AGAP3: variants seen among roughly 807,000 people sequenced by gnomAD.
AGAP3 encodes arf-GAP with GTPase, ANK repeat and PH domain-containing protein 3.
In AGAP3, 24 loss-of-function variants were observed where a neutral mutation model predicts 96.9. The ratio of observed to expected loss-of-function variants is 0.25; its 90% CI spans 0.18 to 0.35. AGAP3 has a LOEUF of 0.35. AGAP3 is among the 10% of genes least tolerant of loss of function. The pLI, the probability that AGAP3 is intolerant of heterozygous loss-of-function variation, is 1.00. For synonymous variants in AGAP3, 563 were observed against 536.1 expected (o/e 1.05, Z -0.69); for missense variants, 876 against 1,254.2 (o/e 0.70, Z 4.55).
intron 1 of AGAP3, chr7:151,115,667 C>T (rs1247475323): frequency 2.6e-6 from 3 of 1,146,524 alleles, no homozygotes; most frequent in Non-Finnish European, 3.2e-6. Flanking sequence ...TGGGGGGCGT[C>T]TGGCAGAAAA....
At position 151,141,845 on chromosome 7, in the gene AGAP3, C is replaced by G. The variant is rs1187774794; in HGVS notation, c.1805-53C>G. On this transcript the variant is annotated intron_variant, in intron 13 of 17. Transcript: ENST00000397238. This position sits in a 1 kb window ranked among gnomAD's most constrained non-coding sequence, Gnocchi z 4.2. ...AGTGGAGTTGTGGCGATAGCATGCC[C>G]TGGGTGTGCACGCAGGCCAGGAGCC... 1 of 1,612,660 alleles carries G rather than the reference C, an allele frequency of 6.2e-7. No homozygotes were observed. Among genetic ancestry groups the G allele is most frequent in the Non-Finnish European group, 8.5e-7 (1 of 1,178,822 alleles).
intron 1 of AGAP3, chr7:151,090,064 C>T (rs1044256918): frequency 6.6e-6 from 1 of 152,264 alleles, no homozygotes; most frequent in African/African-American, 2.4e-5. Context: ...CAAATGGGGA[C>T]ACTGGGCACG....
intron 8 of AGAP3, 56 bp downstream of exon 8, chr7:151,120,201 A>G: frequency 6.6e-7 from 1 of 1,525,222 alleles, no homozygotes. Flanking sequence ...GGCAGGGCTG[A>G]GCGCCGAGCT....
chr7:151,114,658 C>A lies in AGAP3; in HGVS notation c.332-2135C>A. 1 of 954,046 alleles carries A rather than the reference C, an allele frequency of 1.0e-6. No homozygotes were observed. The highest frequency in any genetic ancestry group is 1.3e-6 in the Non-Finnish European group (1 of 799,832). The allele number at this position is 954,046 out of a possible 1,614,324, so 59.1% of individuals were successfully genotyped here. A position where few individuals can be genotyped will look rare whatever the true frequency, so the allele number is the denominator to read the frequency against. ...TGGAGGAGTTGAGGGACTCGGTCGG[C>A]CCACACCAGGTGCCCAGAGGCCGGA... On this transcript the variant is annotated intron_variant, in intron 1 of 17. Coordinates refer to ENST00000397238, the MANE Select transcript of AGAP3 (RefSeq NM_031946.7). This position sits in a 1 kb window ranked among gnomAD's most constrained non-coding sequence, Gnocchi z 4.4.
chr7:151,122,717 A>G (rs2150491559), intron 8 of AGAP3: 1 of 1,613,654 alleles, frequency 6.2e-7, no homozygotes, highest in East Asian at 2.2e-5. Flanking sequence ...TTCTTTCGAT[A>G]TTTGCAGATA....
intron 1 of AGAP3, among the ~76,000 whole-genome samples, chr7:151,111,466 A>G (rs939054688): frequency 1.3e-5 from 2 of 152,106 alleles, no homozygotes; most frequent in African/African-American, 2.4e-5. Context: ...CAAGCAACAC[A>G]CACCTGGAGG....
chr7:151,117,255 GGGGGTCTCC>G, intron 3 of AGAP3, 73 bp downstream of exon 3: 1 of 1,587,850 alleles, frequency 6.3e-7, no homozygotes, highest in Non-Finnish European at 8.6e-7. Context: ...GGTCTGGGTG[GGGGGTCTCC>G]AGCCCCCTTC....
Position 151,143,243 on chromosome 7 carries a change from C to G in AGAP3, c.2274-98C>G. 1 of 1,416,450 alleles carries G rather than the reference C, an allele frequency of 7.1e-7. No individual in the cohort carries two copies. The highest frequency in any genetic ancestry group is 9.6e-7 in the Non-Finnish European group (1 of 1,047,066). 87.7% of individuals were successfully genotyped at this position (1,416,450 alleles called of 1,614,324 possible). A position where few individuals can be genotyped will look rare whatever the true frequency, so the allele number is the denominator to read the frequency against. On this transcript the variant is annotated intron_variant, in intron 16 of 17. Transcript: ENST00000397238. The surrounding 1 kb of genome is among the most constrained non-coding windows in gnomAD (Gnocchi z 5.9). ...CTTCTCTCACTGTTTCTTCCTTGTT[C>G]CCCCGGGTGCTCGCTTCCTTTCCTG...
intron 1 of AGAP3, chr7:151,115,133 G>T (rs1383359387): frequency 9.6e-7 from 1 of 1,040,304 alleles, no homozygotes; most frequent in Non-Finnish European, 1.2e-6. Flanking sequence ...CGACTCCGCG[G>T]CCCCGGCCGG....
chr7:151,109,649 C>T (rs773412409), intron 1 of AGAP3, among the ~76,000 whole-genome samples: 1 of 152,194 alleles, frequency 6.6e-6, no homozygotes, highest in Non-Finnish European at 1.5e-5. Flanking sequence ...AATAAGGTCA[C>T]ATTCTGAGGT....
At position 151,128,669 on chromosome 7, in the gene AGAP3, T is replaced by C. The variant is rs1444073758; in HGVS notation, c.1311T>C (p.Tyr437=). The change falls in exon 10 of 18, where the codon TAT becomes TAC. Residue 437 remains tyrosine, a synonymous_variant. Transcript: ENST00000397238. ...TCTGTGACAACGGGCTGCTCACCTA[T>C]CACCCCAGCCTGCATGTGAGTCTGG... ...VTLCDNGLLT[Y]HPSLHDYMQN... is the part of the protein sequence containing the mutation. 20 of 1,612,924 alleles carry C rather than the reference T, an allele frequency of 1.2e-5. No individual in the cohort carries two copies. Among genetic ancestry groups the C allele is most frequent in the Non-Finnish European group, 1.6e-5 (19 of 1,179,584 alleles).
intron 7 of AGAP3, among the ~76,000 whole-genome samples, chr7:151,119,585 C>G (rs1277689360): frequency 6.6e-6 from 1 of 152,236 alleles, no homozygotes; most frequent in African/African-American, 2.4e-5. Flanking sequence ...TCTAAACATA[C>G]ATACCTGAAT....
rs992931327 is a variant in AGAP3 at position 151,141,748 on chromosome 7, G to A, written c.1805-150G>A. 3.2e-6 allele frequency: 3 copies of A among 942,794 alleles called. No homozygotes were observed. The highest frequency in any genetic ancestry group is 1.6e-5 in the African/African-American group (1 of 61,642). 58.4% of individuals were successfully genotyped at this position (942,794 alleles called of 1,614,324 possible). ...TTACTCTGGCCTCCCCCTGCAAGCT[G>A]TCCTGGAGTGTGTGGCCTTGCAGCT... On this transcript the variant is annotated intron_variant, in intron 13 of 17. Coordinates refer to ENST00000397238, the MANE Select transcript of AGAP3 (RefSeq NM_031946.7). This position sits in a 1 kb window ranked among gnomAD's most constrained non-coding sequence, Gnocchi z 4.2.
chr7:151,129,541 A>C (rs1427957202), intron 10 of AGAP3, among the ~76,000 whole-genome samples: 2 of 152,172 alleles, frequency 1.3e-5, no homozygotes, highest in Non-Finnish European at 2.9e-5. Context: ...ATCCTCAGGC[A>C]ATGGTCCTCC....
intron 1 of AGAP3, among the ~76,000 whole-genome samples, chr7:151,098,000 G>A (rs1258317981): frequency 6.6e-6 from 1 of 152,094 alleles, no homozygotes; most frequent in Non-Finnish European, 1.5e-5. Flanking sequence ...TGTTTGCAGT[G>A]CCCCCTGGCC....
chr7:151,098,599 C>A (rs902938279), intron 1 of AGAP3, among the ~76,000 whole-genome samples: 3 of 151,850 alleles, frequency 2.0e-5, no homozygotes, highest in Admixed American at 6.6e-5. Flanking sequence ...TGCAGTGAGC[C>A]GTGATCACAC....
chr7:151,113,141 C>A (rs1009739510), intron 1 of AGAP3, among the ~76,000 whole-genome samples: 8 of 152,158 alleles, frequency 5.3e-5, no homozygotes, highest in African/African-American at 1.9e-4. Context: ...GGCAGATACA[C>A]GTAGATAGGG....
intron 9 of AGAP3, among the ~76,000 whole-genome samples, chr7:151,127,533 C>T (rs1440064447): frequency 6.6e-6 from 1 of 152,198 alleles, no homozygotes; most frequent in African/African-American, 2.4e-5. Flanking sequence ...AGCACTGCCT[C>T]TTCTCAGCCC....
intron 11 of AGAP3, chr7:151,136,259 AGAGCAAGGGAAAC>A (rs1190805719): frequency 2.3e-4 from 35 of 152,310 alleles, no homozygotes; most frequent in Middle Eastern, 6.8e-3. Context: ...CTGTTTCCCT[AGAGCAAGGGAAAC>A]GAGAAGACGC....
Sources: allele counts gnomAD v4.1 joint callset (sites outside exome capture counted in the v4.1 genomes callset), GRCh38; gene constraint gnomAD v4.1.1; non-coding constraint Gnocchi (gnomAD v3.1); transcripts MANE v1.5; gene names NCBI Gene and HGNC (gene_info 2026-07-23, HGNC 2026-07-21).